The following HS2ST1 variants were observed in gnomAD, a reference collection of about 807,000 sequenced individuals.
The protein encoded by HS2ST1 is 2-O-sulfotransferase.
HS2ST1 carries 18 observed loss-of-function variants against 42.9 expected under a neutral mutation model. The observed-to-expected ratio is 0.42, with a 90% CI of 0.29 to 0.62. HS2ST1 has a LOEUF of 0.62. Ranked by LOEUF, HS2ST1 falls within the 20% of genes least tolerant of loss-of-function variation. The pLI is 0.21. For missense variants in HS2ST1, 334 were observed against 433.8 expected, an observed-to-expected ratio of 0.77 and a Z score of 2.04; for synonymous variants, 146 against 152.9, an observed-to-expected ratio of 0.95 and a Z score of 0.33.
chr1:87,024,470 C>T (rs1447931215), intron 1 of HS2ST1, among the ~76,000 whole-genome samples: 1 of 147,102 alleles, frequency 6.8e-6, no homozygotes, highest in African/African-American at 2.5e-5. Flanking sequence ...CATTGCACTT[C>T]AGCCTGGGCG....
intron 6 of HS2ST1, 34 bp from the exon 7 acceptor site, chr1:87,104,436 T>C: frequency 1.5e-6 from 2 of 1,373,528 alleles, no homozygotes; most frequent in Non-Finnish European, 2.1e-6. Context: ...CCAAGAATTA[T>C]TTACCTTTCC....
chr1:86,922,437 G>GTGTGTGTGTGTGTT (rs1660319992), intron 1 of HS2ST1, among the ~76,000 whole-genome samples: 1 of 151,526 alleles, frequency 6.6e-6, no homozygotes, highest in Non-Finnish European at 1.5e-5. Flanking sequence ...GTGTGTGTGT[G>GTGTGTGTGTGTGTT]TGTGTGTGTA....
chr1:87,083,900 C>T (rs1651753803), intron 2 of HS2ST1, among the ~76,000 whole-genome samples: 1 of 152,036 alleles, frequency 6.6e-6, no homozygotes, highest in African/African-American at 2.4e-5. Flanking sequence ...CCCACAACGA[C>T]CCTCCTCCCA....
chr1:87,064,094 G>T (rs936733923), intron 1 of HS2ST1, among the ~76,000 whole-genome samples: 1 of 152,028 alleles, frequency 6.6e-6, no homozygotes, highest in African/African-American at 2.4e-5. Context: ...TACAGTTGGT[G>T]GGGGGGCCGG....
At chr1:86,980,334 A>C (rs1410615672) in intron 1 of HS2ST1, among the ~76,000 whole-genome samples, 2 of 152,212 alleles carry the variant, frequency 1.3e-5, no homozygotes, top group African/African-American at 4.8e-5. Context: ...TATTCAGTGA[A>C]AATAGTAATA....
intron 1 of HS2ST1, among the ~76,000 whole-genome samples, chr1:86,935,833 T>C (rs114473114): frequency 0.025 from 3,737 of 152,312 alleles, 71 homozygotes; most frequent in Middle Eastern, 0.048. Flanking sequence ...TAAAGCCTTT[T>C]TATTTTGAAA....
intron 1 of HS2ST1, among the ~76,000 whole-genome samples, chr1:87,027,485 A>G (rs1251868487): frequency 2.0e-5 from 3 of 152,190 alleles, no homozygotes; most frequent in African/African-American, 7.2e-5. Flanking sequence ...GCAGCAGATC[A>G]AAATAGGTGG....
intron 1 of HS2ST1, among the ~76,000 whole-genome samples, chr1:86,950,567 A>G (rs1647481956): frequency 6.6e-6 from 1 of 152,182 alleles, no homozygotes; most frequent in Admixed American, 6.5e-5. Flanking sequence ...TTTCTGAGTG[A>G]TAATTTATTC....
intron 1 of HS2ST1, among the ~76,000 whole-genome samples, chr1:86,968,347 G>T (rs143000775): frequency 6.6e-6 from 1 of 152,122 alleles, no homozygotes; most frequent in African/African-American, 2.4e-5. Flanking sequence ...GCATATATAT[G>T]TATTTGGTAA....
chr1:87,042,080 G>A (rs1214157470), intron 1 of HS2ST1, among the ~76,000 whole-genome samples: 2 of 152,116 alleles, frequency 1.3e-5, no homozygotes, highest in Non-Finnish European at 2.9e-5. Context: ...GGTTAGTGAT[G>A]TCCAGCATCT....
At chr1:87,024,266 G>A (rs996502920) in intron 1 of HS2ST1, among the ~76,000 whole-genome samples, 1 of 152,080 alleles carries the variant, frequency 6.6e-6, no homozygotes. Context: ...ACTTTGGGAG[G>A]CCAAGGCAGG....
chr1:86,980,961 G>C (rs1473729759), intron 1 of HS2ST1, among the ~76,000 whole-genome samples: 1 of 152,178 alleles, frequency 6.6e-6, no homozygotes, highest in Non-Finnish European at 1.5e-5. Context: ...AAAAACACCT[G>C]AGACTGGATA....
At chr1:86,971,591 C>T (rs541821190) in intron 1 of HS2ST1, among the ~76,000 whole-genome samples, 22 of 152,318 alleles carry the variant, frequency 1.4e-4, no homozygotes, top group African/African-American at 5.1e-4. Flanking sequence ...AGCTTCTTTA[C>T]ACGTCCAATC....
rs1479124390 is a variant in HS2ST1, at chr1:87,107,481, A to C, written c.*2785A>C. 1 of 151,978 alleles carries C rather than the reference A, an allele frequency of 6.6e-6. No individual in the cohort carries two copies. Among genetic ancestry groups the C allele is most frequent in the Non-Finnish European group, 1.5e-5 (1 of 67,902 alleles). The allele number at this position is 151,978 out of a possible 1,614,324, so 9.4% of individuals were successfully genotyped here. A position where few individuals can be genotyped will look rare whatever the true frequency, so the allele number is the denominator to read the frequency against. On this transcript the variant is annotated 3_prime_UTR_variant, in exon 7 of 7. Coordinates refer to ENST00000370550, the MANE Select transcript of HS2ST1 (RefSeq NM_012262.4). ...ATCAATTAAATAAATAGAACCACTG[A>C]GACAATAATGTATTTTTTTAAAGTG...
intron 1 of HS2ST1, among the ~76,000 whole-genome samples, chr1:87,022,278 A>G (rs1170247878): frequency 5.1e-4 from 78 of 152,348 alleles, no homozygotes; most frequent in African/African-American, 1.8e-3. Flanking sequence ...TATTAGTAAG[A>G]TTTACAAAGC....
At chr1:87,065,833 G>C (rs1004143372) in intron 1 of HS2ST1, among the ~76,000 whole-genome samples, 1 of 151,690 alleles carries the variant, frequency 6.6e-6, no homozygotes, top group African/African-American at 2.4e-5. Flanking sequence ...ATGAAAATTT[G>C]GTCTTTTTTG....
chr1:86,915,392 G>A (rs1366171830), intron 1 of HS2ST1, among the ~76,000 whole-genome samples: 2 of 152,234 alleles, frequency 1.3e-5, no homozygotes, highest in African/African-American at 4.8e-5. Flanking sequence ...GCAAGGTTGG[G>A]CTTCCCTAGC....
chr1:87,032,343 A>G (rs1650260441), intron 1 of HS2ST1, among the ~76,000 whole-genome samples: 1 of 152,278 alleles, frequency 6.6e-6, no homozygotes, highest in Non-Finnish European at 1.5e-5. Flanking sequence ...GAATTAATCT[A>G]TTTTGGATAT....
intron 1 of HS2ST1, among the ~76,000 whole-genome samples, chr1:87,005,802 C>A (rs576257756): frequency 4.6e-5 from 7 of 152,014 alleles, no homozygotes; most frequent in Admixed American, 3.9e-4. Context: ...TTGAAGGATT[C>A]GCCTATGATA....
Sources: allele counts gnomAD v4.1 joint callset (sites outside exome capture counted in the v4.1 genomes callset), GRCh38; gene constraint gnomAD v4.1.1; transcripts MANE v1.5; gene names NCBI Gene and HGNC (gene_info 2026-07-23, HGNC 2026-07-21).